FAM47E: variants seen among roughly 807,000 people sequenced by gnomAD.
The protein encoded by FAM47E is family with sequence similarity 47 member E.
Under a neutral mutation model 41.6 loss-of-function variants are expected in FAM47E, and 32 were observed. The observed-to-expected ratio is 0.77, with a 90% confidence interval of 0.58 to 1.03. The LOEUF (loss-of-function observed/expected upper bound fraction) is 1.03, where lower values mean the gene tolerates loss of function less well. Ranked by LOEUF, FAM47E falls within the 50% of genes least tolerant of loss-of-function variation. The probability of loss-of-function intolerance (pLI) is 0.00; values close to 1 mark genes in which losing one functional copy is unlikely to be tolerated. For synonymous variants in FAM47E, 184 were observed against 188.7 expected, an observed-to-expected ratio of 0.98 and a Z score of 0.20; for missense variants, 424 against 485.4, an observed-to-expected ratio of 0.87 and a Z score of 1.19.
At chr4:76,271,531 G>T in intron 4 of FAM47E, 37 bp from the exon 5 acceptor site, 2 of 1,547,892 alleles carry the variant, frequency 1.3e-6, no homozygotes, top group South Asian at 1.2e-5. Context: ...GCATTTCACC[G>T]ATTGCCCTCA....
chr4:76,258,708 T>C (rs1195870169), intron 2 of FAM47E, among the ~76,000 whole-genome samples: 3 of 152,222 alleles, frequency 2.0e-5, no homozygotes, highest in Non-Finnish European at 4.4e-5. Flanking sequence ...CCCCAAAGTC[T>C]AAAATCCCAC....
At chr4:76,218,114 T>G (rs925030420) in intron 2 of FAM47E, among the ~76,000 whole-genome samples, 7 of 152,208 alleles carry the variant, frequency 4.6e-5, no homozygotes, top group Non-Finnish European at 8.8e-5. Flanking sequence ...AATCACTTGA[T>G]CCCAGGAGTT....
intron 1 of FAM47E, among the ~76,000 whole-genome samples, chr4:76,216,609 T>C (rs1733212145): frequency 6.6e-6 from 1 of 152,196 alleles, no homozygotes; most frequent in South Asian, 2.1e-4. Context: ...GATAAATGTA[T>C]CTTAGTGTGG....
At chr4:76,254,640 T>C (rs1473814124) in intron 1 of FAM47E, among the ~76,000 whole-genome samples, 2 of 152,138 alleles carry the variant, frequency 1.3e-5, no homozygotes, top group Non-Finnish European at 2.9e-5. Context: ...CTGGAATCTC[T>C]TAAAAACACT....
At position 76,271,849 on chromosome 4, in the gene FAM47E, G is replaced by A. The variant is rs546368201; in HGVS notation, c.870+81G>A. ...TCTTAAAGTTCTTGAATTCTGATGT[G>A]TCATGGGTACTGGTTTTTTAAAGTA... On this transcript the variant is annotated intron_variant, in intron 5 of 7. Coordinates refer to ENST00000424749, the MANE Select transcript of FAM47E (RefSeq NM_001136570.3). 4 of 1,429,380 alleles carry A rather than the reference G, an allele frequency of 2.8e-6. No homozygotes were observed. The African/African-American group carries it at 5.8e-5, about 21-fold the overall frequency. The allele number at this position is 1,429,380 out of a possible 1,614,324, so 88.5% of individuals were successfully genotyped here. A position where few individuals can be genotyped will look rare whatever the true frequency, so the allele number is the denominator to read the frequency against.
intron 2 of FAM47E, among the ~76,000 whole-genome samples, chr4:76,227,608 A>G (rs12504041): frequency 0.061 from 9,208 of 152,150 alleles, 296 homozygotes; most frequent in Middle Eastern, 0.095. Flanking sequence ...GATCTGTCTA[A>G]TGCAGTCAGT....
At chr4:76,280,390 C>G in intron 7 of FAM47E, 49 bp downstream of exon 7, 2 of 1,107,112 alleles carry the variant, frequency 1.8e-6, no homozygotes, top group Non-Finnish European at 2.6e-6. Context: ...CTTCATGGCT[C>G]ACAGTTGTTG....
intron 3 of FAM47E, 132 bp from the exon 4 acceptor site, chr4:76,268,528 A>G (rs1578793014): frequency 3.4e-6 from 3 of 870,114 alleles, no homozygotes; most frequent in South Asian, 1.9e-5. Flanking sequence ...TTAAAATACA[A>G]TTTGTATGTG....
chr4:76,235,574 T>A (rs1240514665), intron 2 of FAM47E, among the ~76,000 whole-genome samples: 1 of 152,154 alleles, frequency 6.6e-6, no homozygotes, highest in African/African-American at 2.4e-5. Flanking sequence ...ATAATTAACT[T>A]GTCCAAGATC....
At chr4:76,250,260 A>T (rs747283544), upstream of FAM47E, among the ~76,000 whole-genome samples, 66 of 152,150 alleles carry the variant, frequency 4.3e-4, no homozygotes, top group Non-Finnish European at 8.4e-4. Flanking sequence ...GTTTTGCTGG[A>T]GTAAGGTGGT....
Position 76,283,611 on chromosome 4 carries a change from G to T in FAM47E, c.*153G>T. ...AACATCTGTAAATGTAATACCTGATGGTTATAAGCATTTCTCAATGGATTT... is the reference window on the plus strand; with the variant it reads ...AACATCTGTAAATGTAATACCTGATTGTTATAAGCATTTCTCAATGGATTT... On this transcript the variant is annotated 3_prime_UTR_variant, in exon 8 of 8. Coordinates refer to ENST00000424749, the MANE Select transcript of FAM47E (RefSeq NM_001136570.3). 1.8e-6 allele frequency: 1 copy of T among 553,858 alleles called. No individual in the cohort carries two copies. The highest frequency in any genetic ancestry group is 3.2e-6 in the Non-Finnish European group (1 of 308,182). The allele number at this position is 553,858 out of a possible 1,614,324, so 34.3% of individuals were successfully genotyped here.
intron 2 of FAM47E, among the ~76,000 whole-genome samples, chr4:76,220,003 TAATGAGTAGTGTTTGCTTCAATTGC>T (rs1733281160): frequency 6.6e-6 from 1 of 152,244 alleles, no homozygotes; most frequent in Non-Finnish European, 1.5e-5. Flanking sequence ...TTCAGAATAT[TAATGAGTAGTGTTTGCTTCAATTGC>T]ACTGCAAGCT....
At chr4:76,224,703 C>T (rs946599682) in intron 2 of FAM47E, among the ~76,000 whole-genome samples, 5 of 152,168 alleles carry the variant, frequency 3.3e-5, no homozygotes, top group Non-Finnish European at 5.9e-5. Flanking sequence ...ACTGGGACTA[C>T]AGATGCAAGC....
At chr4:76,215,346 G>C (rs1733185694) in intron 1 of FAM47E, among the ~76,000 whole-genome samples, 1 of 152,210 alleles carries the variant, frequency 6.6e-6, no homozygotes, top group South Asian at 2.1e-4. Flanking sequence ...CTTGAACCAG[G>C]ATGTAGGGCT....
At chr4:76,229,315 A>G (rs75167214) in intron 2 of FAM47E, among the ~76,000 whole-genome samples, 8,695 of 152,216 alleles carry the variant, frequency 0.057, 268 homozygotes, top group Middle Eastern at 0.082. Context: ...AGCCTTAATA[A>G]TCAACCTTCT....
intron 5 of FAM47E, 84 bp downstream of exon 5, chr4:76,271,852 A>G: frequency 4.2e-6 from 6 of 1,421,084 alleles, no homozygotes; most frequent in Non-Finnish European, 5.6e-6. Context: ...CTGATGTGTC[A>G]TGGGTACTGG....
chr4:76,283,191 G>C (rs1348401369), intron 7 of FAM47E, 190 bp from the exon 8 acceptor site: 1 of 456,946 alleles, frequency 2.2e-6, no homozygotes, highest in African/African-American at 2.0e-5. Flanking sequence ...GAGTGTTTCT[G>C]ATACTGTGTG....
At chr4:76,216,048 T>C (rs950703028) in intron 1 of FAM47E, among the ~76,000 whole-genome samples, 2 of 152,126 alleles carry the variant, frequency 1.3e-5, no homozygotes, top group Non-Finnish European at 2.9e-5. Context: ...TGTGTTCAAA[T>C]AGAACCTGGT....
intron 2 of FAM47E, among the ~76,000 whole-genome samples, chr4:76,223,520 T>TA (rs1204993466): frequency 1.3e-5 from 2 of 152,188 alleles, no homozygotes; most frequent in Non-Finnish European, 2.9e-5. Context: ...TTGTCTTTAT[T>TA]ATCACCGCCC....
Sources: allele counts gnomAD v4.1 joint callset (sites outside exome capture counted in the v4.1 genomes callset), GRCh38; gene constraint gnomAD v4.1.1; transcripts MANE v1.5; gene names NCBI Gene and HGNC (gene_info 2026-07-23, HGNC 2026-07-21).